The following SQLE variants were observed in gnomAD, a reference collection of about 807,000 sequenced individuals.
SQLE encodes squalene monooxygenase.
In SQLE, 29 loss-of-function variants were observed where a neutral mutation model predicts 60.7. The ratio of observed to expected loss-of-function variants is 0.48; its 90% CI spans 0.36 to 0.65. SQLE has a LOEUF of 0.65. Ranked by LOEUF, SQLE falls within the 30% of genes least tolerant of loss-of-function variation. The pLI, the probability that SQLE is intolerant of heterozygous loss-of-function variation, is 0.00. For missense variants in SQLE, 605 were observed against 684.1 expected (o/e 0.88, Z 1.29); for synonymous variants, 237 against 246.8 (o/e 0.96, Z 0.37).
chr8:125,003,158 C>CTG lies in SQLE; in HGVS notation c.292-17_292-16insGT. On this transcript the variant is annotated splice_polypyrimidine_tract_variant and intron_variant, in intron 1 of 10. Coordinates refer to ENST00000265896, the MANE Select transcript of SQLE (RefSeq NM_003129.4). ...TAACAAATTTGGATACCTAGTTTAC[C>CTG]TTTTTTTTTTTAAACAGCGCAGAAA... The CTG allele has an allele frequency of 7.4e-7, 1 of 1,343,480 alleles. No individual in the cohort carries two copies. Among genetic ancestry groups the CTG allele is most frequent in the Non-Finnish European group, 1.0e-6 (1 of 983,294 alleles). The allele number at this position is 1,343,480 out of a possible 1,614,324, so 83.2% of individuals were successfully genotyped here.
Position 125,021,748 on chromosome 8 carries a change from T to A in SQLE, c.1533-5T>A, listed in dbSNP as rs1225360348. 3 of 1,583,224 alleles carry A rather than the reference T, an allele frequency of 1.9e-6. No homozygotes were observed. Among genetic ancestry groups the A allele is most frequent in the Non-Finnish European group, 2.6e-6 (3 of 1,163,478 alleles). On this transcript the variant is annotated splice_polypyrimidine_tract_variant and splice_region_variant and intron_variant, in intron 10 of 10. Transcript: ENST00000265896. ...CTTACCAATATGTATTTTTTTCTAT[T>A]ACAGATTGTCTCCTAACCCTCTAGT...
intron 9 of SQLE, among the ~76,000 whole-genome samples, chr8:125,020,536 C>T (rs989826971): frequency 6.6e-6 from 1 of 152,130 alleles, no homozygotes; most frequent in African/African-American, 2.4e-5. Flanking sequence ...ACCTTTTAAA[C>T]AACTCTTCCA....
In SQLE at chr8:125,018,560, G is replaced by T. The variant is rs1586320381; in HGVS notation, c.1348-71G>T. Reference sequence around the variant, plus strand: ...TCCTTAGAAGGATAAGTATCAGTTTGAGGGGATTATAAACATCAGTTTGTG... The same window carrying T: ...TCCTTAGAAGGATAAGTATCAGTTTTAGGGGATTATAAACATCAGTTTGTG... On this transcript the variant is annotated intron_variant, in intron 8 of 10. Coordinates refer to ENST00000265896, the MANE Select transcript of SQLE (RefSeq NM_003129.4). The T allele has an allele frequency of 9.5e-6, 9 of 949,272 alleles. No homozygotes were observed. The Admixed American group carries it at 1.9e-4, about 20-fold the overall frequency. 58.8% of individuals were successfully genotyped at this position (949,272 alleles called of 1,614,324 possible). A position where few individuals can be genotyped will look rare whatever the true frequency, so the allele number is the denominator to read the frequency against.
At chr8:125,007,291 A>G in intron 3 of SQLE, 100 bp from the exon 4 acceptor site, 2 of 766,056 alleles carry the variant, frequency 2.6e-6, no homozygotes, top group Non-Finnish European at 4.0e-6. Context: ...ACACACATGC[A>G]TGTCCAGTTT....
chr8:125,001,449 G>GATGT (rs1554587048), intron 1 of SQLE, among the ~76,000 whole-genome samples: 2 of 136,960 alleles, frequency 1.5e-5, no homozygotes, highest in African/African-American at 5.5e-5. Flanking sequence ...CTCCTTTCAG[G>GATGT]GTGTGTGTGT....
At chr8:125,012,974 C>G (rs563652848) in intron 7 of SQLE, among the ~76,000 whole-genome samples, 2 of 152,286 alleles carry the variant, frequency 1.3e-5, no homozygotes, top group South Asian at 4.1e-4. Context: ...GGCCTTTTAT[C>G]ATTGTGCTGA....
At chr8:125,006,542 A>T (rs1281416451) in intron 3 of SQLE, among the ~76,000 whole-genome samples, 1 of 147,876 alleles carries the variant, frequency 6.8e-6, no homozygotes, top group Non-Finnish European at 1.5e-5. Flanking sequence ...AATTGCTTGA[A>T]CCCAGGAGGT....
At chr8:125,006,406 G>A (rs1814946434) in intron 3 of SQLE, among the ~76,000 whole-genome samples, 1 of 151,938 alleles carries the variant, frequency 6.6e-6, no homozygotes, top group African/African-American at 2.4e-5. Flanking sequence ...AGATCACGAG[G>A]TCAGGAGTTC....
At position 125,003,169 on chromosome 8, in the gene SQLE, T is replaced by C. The variant is rs768381905; in HGVS notation, c.292-7T>C. 6.3e-7 allele frequency: 1 copy of C among 1,576,420 alleles called. No individual in the cohort carries two copies. Among genetic ancestry groups the C allele is most frequent in the South Asian group, 1.2e-5 (1 of 85,086 alleles). On this transcript the variant is annotated splice_region_variant and splice_polypyrimidine_tract_variant and intron_variant, in intron 1 of 10. Coordinates refer to ENST00000265896, the MANE Select transcript of SQLE (RefSeq NM_003129.4). ...GATACCTAGTTTACCTTTTTTTTTTTAAACAGCGCAGAAAAGGAACCAATA... is the reference window on the plus strand; with the variant it reads ...GATACCTAGTTTACCTTTTTTTTTTCAAACAGCGCAGAAAAGGAACCAATA...
At chr8:125,002,123 A>T (rs910871182) in intron 1 of SQLE, among the ~76,000 whole-genome samples, 2 of 152,128 alleles carry the variant, frequency 1.3e-5, no homozygotes, top group Non-Finnish European at 2.9e-5. Flanking sequence ...TTTGACTAGG[A>T]TCTCTTAGAG....
chr8:125,018,617 T>C lies in SQLE; in HGVS notation c.1348-14T>C, dbSNP rs115274665. 1,142 of 1,559,678 alleles carry C rather than the reference T, an allele frequency of 7.3e-4. 14 individuals are homozygous for C. In the African/African-American group the frequency reaches 0.013, roughly 18 times the overall value. On this transcript the variant is annotated splice_polypyrimidine_tract_variant and intron_variant, in intron 8 of 10. Transcript: ENST00000265896. The stretch of plus-strand genomic sequence containing the variant: ...TATCCTTACCATATAATAAATGAGC[T>C]ATTTCTTTTTTAGGCCAAAAAATCA...
intron 1 of SQLE, among the ~76,000 whole-genome samples, chr8:125,000,542 C>T (rs1814827298): frequency 6.6e-6 from 1 of 152,196 alleles, no homozygotes; most frequent in Non-Finnish European, 1.5e-5. Flanking sequence ...CTCCCTGGTT[C>T]AAGCGATTCT....
At position 125,005,662 on chromosome 8, in the gene SQLE, A is replaced by G. The variant is rs556520012; in HGVS notation, c.682A>G (p.Arg228Gly). 2.2e-5 allele frequency: 35 copies of G among 1,605,264 alleles called. 2 individuals carry two copies. In the South Asian group the frequency reaches 3.7e-4, roughly 17 times the overall value. ...VQSGRAFHHG[R>G]FIMSLRKAAM... Reference sequence around the variant, plus strand: ...GAGTGGAAGAGCTTTCCATCACGGAAGATTCATCATGAGTCTCCGGAAAGC... The same window carrying G: ...GAGTGGAAGAGCTTTCCATCACGGAGGATTCATCATGAGTCTCCGGAAAGC... Residue 228 changes from arginine (R) to glycine (G), a missense_variant, in exon 3 of 11, where the codon AGA (arginine) becomes GGA (glycine). By Grantham distance (125) the Arg-to-Gly change is moderately radical. Coordinates refer to ENST00000265896, the MANE Select transcript of SQLE (RefSeq NM_003129.4).
rs749030779 is a variant in SQLE at position 125,018,068 on chromosome 8, T to C, written c.1214T>C (p.Leu405Pro). The change falls in exon 8 of 11, where the codon CTT (leucine) becomes CCT (proline). Residue 405 changes from leucine (L) to proline (P), a missense_variant. Leu to Pro is a moderately conservative substitution (Grantham distance 98). Transcript: ENST00000265896. ...TTACCTCTCTTCATAGGTGTTCTTC[T>C]TTTGGGAGACGCATATAATATGAGG... is the stretch of plus-strand genomic sequence containing the variant. ...PSSVKKRGVL[L>P]LGDAYNMRHP... 2 of 1,613,510 alleles carry C rather than the reference T, an allele frequency of 1.2e-6. No individual in the cohort carries two copies. The highest frequency in any genetic ancestry group is 1.7e-6 in the Non-Finnish European group (2 of 1,179,786).
intron 1 of SQLE, among the ~76,000 whole-genome samples, chr8:125,000,452 T>C (rs566473131): frequency 7.9e-5 from 12 of 152,264 alleles, no homozygotes; most frequent in Admixed American, 3.3e-4. Context: ...TTAAAAAATT[T>C]TTGTTTTTTG....
intron 3 of SQLE, among the ~76,000 whole-genome samples, chr8:125,006,849 C>A (rs1563596980): frequency 1.3e-5 from 2 of 151,608 alleles, no homozygotes; most frequent in East Asian, 4.0e-4. Flanking sequence ...GGATTACAGG[C>A]ACATGCCACC....
At chr8:125,019,305 C>A (rs1253225026) in intron 9 of SQLE, among the ~76,000 whole-genome samples, 5 of 151,752 alleles carry the variant, frequency 3.3e-5, no homozygotes, top group African/African-American at 1.2e-4. Flanking sequence ...GGAAAAGAGG[C>A]CAGGCGAAAT....
chr8:125,009,137 AAATT>A, intron 5 of SQLE, 31 bp from the exon 6 acceptor site: 1 of 1,570,238 alleles, frequency 6.4e-7, no homozygotes, highest in East Asian at 2.3e-5. Context: ...TGAAATTTGA[AAATT>A]ATTAAAACAT....
intron 6 of SQLE, among the ~76,000 whole-genome samples, chr8:125,009,615 G>C (rs1013138085): frequency 6.6e-6 from 1 of 152,092 alleles, no homozygotes; most frequent in Non-Finnish European, 1.5e-5. Flanking sequence ...GACCAACATG[G>C]AGAAACCCCG....
Sources: gnomAD v4.1 joint callset for allele counts (sites outside exome capture counted in the v4.1 genomes callset) on GRCh38, gnomAD v4.1.1 for gene constraint, MANE v1.5 for transcripts, NCBI Gene and HGNC (gene_info 2026-07-23, HGNC 2026-07-21) for gene names.